TFEC: variants seen among roughly 807,000 people sequenced by gnomAD.
TFEC encodes the protein class E basic helix-loop-helix protein 34.
Under a neutral mutation model 41.6 loss-of-function variants are expected in TFEC, and 31 were observed. The ratio of observed to expected loss-of-function variants is 0.74; its 90% confidence interval spans 0.56 to 1.01. The LOEUF (loss-of-function observed/expected upper bound fraction) is 1.01, where lower values mean the gene tolerates loss of function less well. Ranked by LOEUF, TFEC falls within the 50% of genes least tolerant of loss-of-function variation. The probability of loss-of-function intolerance (pLI) is 0.00; values close to 1 mark genes in which losing one functional copy is unlikely to be tolerated. For missense variants in TFEC, 402 were observed against 404.1 expected (o/e 0.99, Z 0.04); for synonymous variants, 143 against 140.6 (o/e 1.02, Z -0.12).
At chr7:116,151,703 T>C (rs1321564465) in intron 1 of TFEC, among the ~76,000 whole-genome samples, 1 of 152,118 alleles carries the variant, frequency 6.6e-6, no homozygotes, top group Non-Finnish European at 1.5e-5. Flanking sequence ...CTTAATATCA[T>C]TATAAAAATT....
intron 1 of TFEC, among the ~76,000 whole-genome samples, chr7:116,119,158 A>G (rs547359873): frequency 1.3e-5 from 2 of 151,846 alleles, no homozygotes; most frequent in African/African-American, 4.8e-5. Context: ...AAATTTATTA[A>G]TGCTTCCCAT....
chr7:115,999,068 A>C (rs1794484787), intron 1 of TFEC, among the ~76,000 whole-genome samples: 1 of 152,038 alleles, frequency 6.6e-6, no homozygotes, highest in African/African-American at 2.4e-5. Context: ...TCTCAAGGAG[A>C]GACCACATAA....
At chr7:115,951,546 A>T (rs1050602583) in intron 5 of TFEC, among the ~76,000 whole-genome samples, 3 of 152,120 alleles carry the variant, frequency 2.0e-5, no homozygotes, top group African/African-American at 7.2e-5. Context: ...TAATATATAA[A>T]TAAGTGGTTT....
At chr7:116,083,131 T>C (rs1797127802) in intron 3 of TFEC, among the ~76,000 whole-genome samples, 1 of 151,850 alleles carries the variant, frequency 6.6e-6, no homozygotes, top group South Asian at 2.1e-4. Flanking sequence ...ATAATAACTA[T>C]CAGATGCATT....
chr7:116,039,427 G>C (rs1795982686), intron 3 of TFEC, among the ~76,000 whole-genome samples: 1 of 151,054 alleles, frequency 6.6e-6, no homozygotes, highest in Admixed American at 6.6e-5. Context: ...AATTCTGTGT[G>C]TGTGTGTGTG....
At chr7:115,981,359 T>C (rs1793622326) in intron 2 of TFEC, among the ~76,000 whole-genome samples, 1 of 152,170 alleles carries the variant, frequency 6.6e-6, no homozygotes, top group Non-Finnish European at 1.5e-5. Context: ...TCTGAGTTTC[T>C]AGAATACCTT....
intron 1 of TFEC, among the ~76,000 whole-genome samples, chr7:116,153,454 C>A (rs1177733564): frequency 6.6e-6 from 1 of 152,040 alleles, no homozygotes; most frequent in Non-Finnish European, 1.5e-5. Flanking sequence ...GGGTTTTTAC[C>A]GTGTTGGTCA....
upstream of TFEC, among the ~76,000 whole-genome samples, chr7:116,034,500 G>A (rs1326198283): frequency 6.6e-6 from 1 of 151,418 alleles, no homozygotes; most frequent in Non-Finnish European, 1.5e-5. Flanking sequence ...ACCCTTCAAC[G>A]TGTCCATCAG....
intron 1 of TFEC, among the ~76,000 whole-genome samples, chr7:115,992,177 T>C (rs975241737): frequency 1.3e-5 from 2 of 152,120 alleles, no homozygotes; most frequent in African/African-American, 4.8e-5. Flanking sequence ...AGACACAACA[T>C]ACCAGAATCT....
At chr7:116,051,107 T>G (rs1013098751) in intron 3 of TFEC, among the ~76,000 whole-genome samples, 24 of 151,034 alleles carry the variant, frequency 1.6e-4, no homozygotes, top group Admixed American at 6.6e-5. Flanking sequence ...TGAGAACACT[T>G]GGATGCAGGG....
At chr7:115,984,616 G>C (rs147347043) in intron 1 of TFEC, 103 bp from the exon 2 acceptor site, 5 of 1,335,750 alleles carry the variant, frequency 3.7e-6, no homozygotes, top group Non-Finnish European at 5.0e-6. Flanking sequence ...CTACACTATA[G>C]CATCTAGTTT....
intron 1 of TFEC, among the ~76,000 whole-genome samples, chr7:116,120,648 T>C (rs1172793358): frequency 6.6e-6 from 1 of 152,008 alleles, no homozygotes. Context: ...TTCTTAAACA[T>C]AGTTTCATTA....
At chr7:116,095,246 AT>A (rs1797423584) in intron 3 of TFEC, among the ~76,000 whole-genome samples, 3 of 152,118 alleles carry the variant, frequency 2.0e-5, no homozygotes, top group South Asian at 2.1e-4. Context: ...CTTAAATCCT[AT>A]TTTTTTCATA....
intron 1 of TFEC, among the ~76,000 whole-genome samples, chr7:116,017,807 A>T (rs1308792162): frequency 6.6e-6 from 1 of 152,100 alleles, no homozygotes; most frequent in African/African-American, 2.4e-5. Flanking sequence ...TCTTCTAACC[A>T]CTGTTTAAAT....
At chr7:116,042,384 G>A (rs1965523) in intron 3 of TFEC, among the ~76,000 whole-genome samples, 59,357 of 152,036 alleles carry the variant, frequency 0.39, 11,726 homozygotes, top group African/African-American at 0.43. Context: ...AGATATTGAC[G>A]AAAAGAGAAG....
chr7:116,129,128 T>C (rs906571805), intron 1 of TFEC, among the ~76,000 whole-genome samples: 2 of 152,224 alleles, frequency 1.3e-5, no homozygotes, highest in Non-Finnish European at 2.9e-5. Flanking sequence ...TCTACTATCA[T>C]TGGAGATTTG....
intron 3 of TFEC, among the ~76,000 whole-genome samples, chr7:115,966,812 C>T (rs1792875348): frequency 6.6e-6 from 1 of 151,756 alleles, no homozygotes; most frequent in Non-Finnish European, 1.5e-5. Flanking sequence ...TGTCCCCATT[C>T]CTTCAATAAG....
At chr7:116,059,053 ATAAAAT>A (rs980052890) in intron 3 of TFEC, among the ~76,000 whole-genome samples, 49 of 151,956 alleles carry the variant, frequency 3.2e-4, no homozygotes, top group African/African-American at 1.1e-3. Flanking sequence ...AATTAATGAA[ATAAAAT>A]ATAAAATCAA....
At chr7:116,004,083 C>A (rs1324393287) in intron 1 of TFEC, among the ~76,000 whole-genome samples, 1 of 151,586 alleles carries the variant, frequency 6.6e-6, no homozygotes, top group African/African-American at 2.4e-5. Context: ...AAAAGAAGAA[C>A]AAATCAAATC....
Sources: gnomAD v4.1 joint callset for allele counts (sites outside exome capture counted in the v4.1 genomes callset) on GRCh38, gnomAD v4.1.1 for gene constraint, MANE v1.5 for transcripts, NCBI Gene and HGNC (gene_info 2026-07-23, HGNC 2026-07-21) for gene names.